Variants in EPM2A observed in about 807,000 individuals in gnomAD.
The protein encoded by EPM2A is laforin.
In EPM2A, 21 loss-of-function variants were observed where a neutral mutation model predicts 26.5. The observed-to-expected ratio is 0.79, with a 90% confidence interval of 0.56 to 1.14. EPM2A has a LOEUF of 1.14. Among genes scored for constraint, EPM2A ranks in the 50% most tolerant of loss-of-function variants. The pLI, the probability that EPM2A is intolerant of heterozygous loss-of-function variation, is 0.00. For missense variants in EPM2A, 458 were observed against 440.8 expected (o/e 1.04, Z -0.35); for synonymous variants, 217 against 177.6 (o/e 1.22, Z -1.76).
intron 2 of EPM2A, among the ~76,000 whole-genome samples, chr6:145,507,904 G>A (rs1475579629): frequency 6.6e-6 from 1 of 152,120 alleles, no homozygotes; most frequent in Non-Finnish European, 1.5e-5. Context: ...TCCTTGGTGG[G>A]TGCCCCAGCC....
chr6:145,625,853 T>C lies in EPM2A; in HGVS notation c.*1563A>G, dbSNP rs1775775006. 2 of 1,525,076 alleles carry C rather than the reference T, an allele frequency of 1.3e-6. No homozygotes were observed. Among genetic ancestry groups the C allele is most frequent in the Non-Finnish European group, 1.8e-6 (2 of 1,133,256 alleles). The allele number at this position is 1,525,076 out of a possible 1,614,324, so 94.5% of individuals were successfully genotyped here. On this transcript the variant is annotated 3_prime_UTR_variant, in exon 4 of 4. Transcript: ENST00000367519. ...CTTCTAAATAAGAGTCTCTTGCATC[T>C]ATCAATATGTGTTTGTGGAAGAAAG... is the stretch of plus-strand genomic sequence containing the variant.
chr6:145,637,212 AATTCTTCATTGTTTCCTAT>A (rs1562427121), intron 2 of EPM2A: 1 of 152,220 alleles, frequency 6.6e-6, no homozygotes, highest in African/African-American at 2.4e-5. Flanking sequence ...TTATTCAGTT[AATTCTTCATTGTTTCCTAT>A]ATTCTTCATT....
At chr6:145,540,462 C>T (rs1449045070) in intron 2 of EPM2A, among the ~76,000 whole-genome samples, 1 of 152,148 alleles carries the variant, frequency 6.6e-6, no homozygotes, top group Admixed American at 6.6e-5. Flanking sequence ...TCCCCTGTTA[C>T]TTGGTGTGAA....
chr6:145,440,979 G>T (rs935949269), intron 4 of EPM2A, among the ~76,000 whole-genome samples: 2 of 152,190 alleles, frequency 1.3e-5, no homozygotes, highest in Admixed American at 1.3e-4. Context: ...CCACTAGGTG[G>T]TGCCCCAGTA....
Position 145,570,167 on chromosome 6 carries a change from C to T in EPM2A, c.340+65078G>A, listed in dbSNP as rs558807338. 2.6e-5 allele frequency among the ~76,000 whole-genome samples: 4 copies of T among 152,200 alleles called. No homozygotes were observed. The East Asian group carries it at 5.8e-4, about 22-fold the overall frequency. On this transcript the variant is annotated intron_variant, in intron 2 of 3. Coordinates refer to the EPM2A transcript ENST00000450221. ...CGCCCCTGACTCAAATGTTAATCTC[C>T]TTTAGGGACACCCTCACAGACACAC...
intron 4 of EPM2A, among the ~76,000 whole-genome samples, chr6:145,440,949 G>T (rs1314611044): frequency 6.6e-6 from 1 of 152,174 alleles, no homozygotes; most frequent in Non-Finnish European, 1.5e-5. Context: ...CTGGAGGATT[G>T]TGCCCCTCTT....
intron 4 of EPM2A, among the ~76,000 whole-genome samples, chr6:145,408,181 A>G (rs1456448836): frequency 1.3e-5 from 2 of 152,084 alleles, no homozygotes; most frequent in South Asian, 2.1e-4. Context: ...GTTATTTGCT[A>G]TTATACAAAT....
At chr6:145,518,287 AG>A (rs1366250405) in intron 2 of EPM2A, among the ~76,000 whole-genome samples, 1 of 152,216 alleles carries the variant, frequency 6.6e-6, no homozygotes, top group Non-Finnish European at 1.5e-5. Context: ...TCAGAGAAGT[AG>A]AGAAATGCAC....
chr6:145,685,693 C>T (rs1157000276), intron 2 of EPM2A, among the ~76,000 whole-genome samples: 1 of 152,124 alleles, frequency 6.6e-6, no homozygotes, highest in Non-Finnish European at 1.5e-5. Flanking sequence ...CAGATAATCA[C>T]ATTCAATCTA....
At chr6:145,698,838 G>GA (rs1285987922) in intron 1 of EPM2A, among the ~76,000 whole-genome samples, 3 of 151,932 alleles carry the variant, frequency 2.0e-5, no homozygotes, top group Non-Finnish European at 2.9e-5. Flanking sequence ...CCCATAAGAG[G>GA]AAAAAACACC....
chr6:145,535,317 C>T (rs1780416460), intron 2 of EPM2A, among the ~76,000 whole-genome samples: 1 of 152,240 alleles, frequency 6.6e-6, no homozygotes, highest in Non-Finnish European at 1.5e-5. Flanking sequence ...CAAGGTGACA[C>T]TTACTGTCAA....
At chr6:145,427,128 C>T (rs564495051) in intron 4 of EPM2A, among the ~76,000 whole-genome samples, 1 of 152,250 alleles carries the variant, frequency 6.6e-6, no homozygotes, top group East Asian at 1.9e-4. Flanking sequence ...CAACAAATTC[C>T]ATCCTGTGCT....
intron 2 of EPM2A, among the ~76,000 whole-genome samples, chr6:145,662,811 C>T (rs1274467499): frequency 6.6e-6 from 1 of 152,128 alleles, no homozygotes; most frequent in Non-Finnish European, 1.5e-5. Context: ...TAGCTGGGTT[C>T]TTTGCTAAAA....
chr6:145,384,839 A>G (rs1353914682), intron 4 of EPM2A, among the ~76,000 whole-genome samples: 1 of 148,006 alleles, frequency 6.8e-6, no homozygotes, highest in Non-Finnish European at 1.5e-5. Flanking sequence ...TAGAAGAAAG[A>G]GCATCATATT....
At position 145,489,778 on chromosome 6, in the gene EPM2A, C is replaced by A. The variant is rs1171010894; in HGVS notation, c.555+12744G>T. On this transcript the variant is annotated intron_variant, in intron 4 of 4. Coordinates refer to the EPM2A transcript ENST00000638717. ...TCTGCTTGGCTAGGTTCTCTCTTCTCTCGGTTCATAGATTTCTGGGGTCAC... is the reference window on the plus strand; with the variant it reads ...TCTGCTTGGCTAGGTTCTCTCTTCTATCGGTTCATAGATTTCTGGGGTCAC... The A allele has an allele frequency of 2.1e-6, 3 of 1,444,012 alleles. No homozygotes were observed. In the East Asian group the frequency reaches 6.8e-5, roughly 33 times the overall value. The allele number at this position is 1,444,012 out of a possible 1,614,324, so 89.4% of individuals were successfully genotyped here. A position where few individuals can be genotyped will look rare whatever the true frequency, so the allele number is the denominator to read the frequency against.
chr6:145,454,330 G>A (rs1290533404), intron 4 of EPM2A, among the ~76,000 whole-genome samples: 1 of 152,030 alleles, frequency 6.6e-6, no homozygotes, highest in Non-Finnish European at 1.5e-5. Context: ...TAAAAGCCCC[G>A]CAATATTCTA....
intron 4 of EPM2A, among the ~76,000 whole-genome samples, chr6:145,428,144 A>T (rs1046901158): frequency 8.1e-6 from 1 of 123,920 alleles, no homozygotes; most frequent in Non-Finnish European, 1.7e-5. Flanking sequence ...TTCAAAAATT[A>T]TGCATCCTAA....
At chr6:145,715,511 G>A (rs1013559662) in intron 1 of EPM2A, among the ~76,000 whole-genome samples, 6 of 152,196 alleles carry the variant, frequency 3.9e-5, no homozygotes, top group Non-Finnish European at 8.8e-5. Flanking sequence ...TTGAGGATAT[G>A]TTGTACTTTA....
chr6:145,579,761 T>C (rs929634208), intron 2 of EPM2A, among the ~76,000 whole-genome samples: 1 of 152,162 alleles, frequency 6.6e-6, no homozygotes, highest in African/African-American at 2.4e-5. Context: ...AGTGTCTTTT[T>C]TCCTCTTATA....
Sources: allele counts gnomAD v4.1 joint callset (sites outside exome capture counted in the v4.1 genomes callset), GRCh38; gene constraint gnomAD v4.1.1; transcripts MANE v1.5; gene names NCBI Gene and HGNC (gene_info 2026-07-23, HGNC 2026-07-21).